DPYD: variants seen among roughly 807,000 people sequenced by gnomAD.
DPYD encodes dihydropyrimidine dehydrogenase.
A neutral mutation model predicts 116.2 loss-of-function variants in DPYD; 109 were observed. The observed-to-expected ratio is 0.94, with a 90% CI of 0.80 to 1.10. The LOEUF (loss-of-function observed/expected upper bound fraction) is 1.10. Ranked by LOEUF, DPYD falls within the 50% of genes least tolerant of loss-of-function variation. The probability of loss-of-function intolerance (pLI) is 0.00; values close to 1 mark genes in which losing one functional copy is unlikely to be tolerated. For synonymous variants in DPYD, 440 were observed against 432.0 expected (o/e 1.02, Z -0.23); for missense variants, 1,302 against 1,254.5 (o/e 1.04, Z -0.57).
intron 4 of DPYD, among the ~76,000 whole-genome samples, chr1:97,724,596 A>G (rs1244815017): frequency 6.6e-6 from 1 of 151,502 alleles, no homozygotes; most frequent in African/African-American, 2.4e-5. Context: ...TGTGTTTTTC[A>G]GGGTAGAGCT....
chr1:97,731,143 T>A (rs972295099), intron 4 of DPYD, among the ~76,000 whole-genome samples: 1 of 152,174 alleles, frequency 6.6e-6, no homozygotes, highest in Non-Finnish European at 1.5e-5. Flanking sequence ...AAATCTAGAC[T>A]GTAATATCAC....
At chr1:97,601,485 T>C (rs566911745) in intron 8 of DPYD, among the ~76,000 whole-genome samples, 17 of 152,156 alleles carry the variant, frequency 1.1e-4, no homozygotes, top group East Asian at 5.8e-4. Flanking sequence ...TATATGTTTA[T>C]ATATGTATTA....
At chr1:97,426,351 C>T (rs890159808) in intron 14 of DPYD, among the ~76,000 whole-genome samples, 46 of 152,054 alleles carry the variant, frequency 3.0e-4, no homozygotes, top group Admixed American at 1.7e-3. Context: ...GAGGATGATA[C>T]GTGGTAGCAA....
At chr1:97,567,161 C>T (rs1467080907) in intron 11 of DPYD, among the ~76,000 whole-genome samples, 2 of 152,090 alleles carry the variant, frequency 1.3e-5, no homozygotes, top group Non-Finnish European at 2.9e-5. Flanking sequence ...CAGAACAAGG[C>T]AAATTAACCC....
chr1:97,888,627 C>CA (rs35099417), intron 1 of DPYD, among the ~76,000 whole-genome samples: 40 of 141,144 alleles, frequency 2.8e-4, no homozygotes, highest in East Asian at 4.1e-4. Context: ...TTGAATGTAG[C>CA]AAAAAAAAAA....
chr1:97,742,134 G>C (rs1009328904), intron 3 of DPYD, among the ~76,000 whole-genome samples: 13 of 152,066 alleles, frequency 8.5e-5, no homozygotes, highest in Non-Finnish European at 4.4e-5. Context: ...ACATGTGTCA[G>C]AAAAACAGCA....
In DPYD at chr1:97,148,248, GTGT is replaced by G. The variant is rs751115749; in HGVS notation, c.2622+44818_2622+44820del. ...TGGTGTATGTGTAGGGTGTGTGTGTGTGTGTGGGGGGGGTGTGTGTGTTCTTTT... is the reference window on the plus strand; with the variant it reads ...TGGTGTATGTGTAGGGTGTGTGTGTGGTGGGGGGGGTGTGTGTGTTCTTTT... On this transcript the variant is annotated intron_variant, in intron 20 of 22. Transcript: ENST00000370192. Among the ~76,000 whole-genome samples the G allele has an allele frequency of 8.2e-4, 107 of 130,564 alleles. 1 individual carries two copies. The highest frequency in any genetic ancestry group is 1.2e-3 in the African/African-American group (37 of 30,520). The allele number at this position is 130,564 out of a possible 152,430, so 85.7% of individuals were successfully genotyped here.
In DPYD at chr1:97,385,243, G is replaced by T. The variant is rs1328519603; in HGVS notation, c.1906-2782C>A. On this transcript the variant is annotated intron_variant, in intron 14 of 22. Coordinates refer to ENST00000370192, the MANE Select transcript of DPYD (RefSeq NM_000110.4). ...TCAAAGAGGGCACCAGATCTTCCAG[G>T]ACTAGACCTAATACCTCTTGGTGTA... Among the ~76,000 whole-genome samples the T allele has an allele frequency of 4.2e-5, 5 of 119,432 alleles. No homozygotes were observed. In the Admixed American group the frequency reaches 5.7e-4, roughly 14 times the overall value. The allele number at this position is 119,432 out of a possible 152,430, so 78.4% of individuals were successfully genotyped here.
At chr1:97,830,707 C>CAAAAAAAAAAAAAAAAAAAAAAA (rs759967010) in intron 2 of DPYD, among the ~76,000 whole-genome samples, 1 of 105,760 alleles carries the variant, frequency 9.5e-6, no homozygotes, top group Non-Finnish European at 2.0e-5. Context: ...GACTCCATCT[C>CAAAAAAAAAAAAAAAAAAAAAAA]AAAAAAAAAA....
intron 18 of DPYD, among the ~76,000 whole-genome samples, chr1:97,287,083 G>A (rs1665742580): frequency 6.6e-6 from 1 of 152,104 alleles, no homozygotes; most frequent in Non-Finnish European, 1.5e-5. Context: ...TTTGATGATG[G>A]TGATGTACAG....
At chr1:97,315,494 T>A (rs1320134412) in intron 16 of DPYD, among the ~76,000 whole-genome samples, 1 of 151,982 alleles carries the variant, frequency 6.6e-6, no homozygotes, top group Non-Finnish European at 1.5e-5. Context: ...CAAGCATTTC[T>A]CTCCAATAAA....
chr1:97,592,518 C>G (rs946939185), intron 10 of DPYD, among the ~76,000 whole-genome samples: 1 of 152,266 alleles, frequency 6.6e-6, no homozygotes, highest in South Asian at 2.1e-4. Flanking sequence ...AGGCGCCCAC[C>G]ACCACGCCCG....
chr1:97,449,531 CT>C (rs1246591992), intron 14 of DPYD, among the ~76,000 whole-genome samples: 2 of 151,704 alleles, frequency 1.3e-5, no homozygotes, highest in Non-Finnish European at 2.9e-5. Flanking sequence ...ATATTCAAGC[CT>C]GATTTTACTG....
intron 12 of DPYD, chr1:97,546,065 C>A: frequency 7.1e-7 from 1 of 1,407,782 alleles, no homozygotes; most frequent in South Asian, 1.2e-5. Flanking sequence ...GCAACAACAT[C>A]ACAGTAGGAT....
chr1:97,340,935 T>G (rs2101226983), intron 16 of DPYD, among the ~76,000 whole-genome samples: 1 of 152,296 alleles, frequency 6.6e-6, no homozygotes, highest in African/African-American at 2.4e-5. Context: ...AATAGCTGTT[T>G]TATACATTGG....
intron 13 of DPYD, among the ~76,000 whole-genome samples, chr1:97,490,460 T>G (rs916194868): frequency 3.0e-5 from 4 of 133,112 alleles, no homozygotes; most frequent in African/African-American, 1.1e-4. Flanking sequence ...AACGTACTAA[T>G]TATATACTAT....
chr1:97,685,531 T>C (rs1437216233), intron 7 of DPYD, among the ~76,000 whole-genome samples: 1 of 152,068 alleles, frequency 6.6e-6, no homozygotes, highest in Admixed American at 6.5e-5. Flanking sequence ...AGTATTCAAA[T>C]AGGAAAAGAG....
chr1:97,630,910 T>C (rs960304473), intron 8 of DPYD, among the ~76,000 whole-genome samples: 1 of 152,076 alleles, frequency 6.6e-6, no homozygotes, highest in Non-Finnish European at 1.5e-5. Context: ...CAATAGGAAG[T>C]ATTATCAAAA....
Position 97,776,232 on chromosome 1 carries a change from G to A in DPYD, c.234-35753C>T, listed in dbSNP as rs1037417731. ...AATTCTACTCATGAATGCCTGCAAA[G>A]TGGAGTTTATTTAATGTTTTTAGAT... On this transcript the variant is annotated intron_variant, in intron 3 of 22. Transcript: ENST00000370192. Among the ~76,000 whole-genome samples, 10 of 152,088 alleles carry A rather than the reference G, an allele frequency of 6.6e-5. No homozygotes were observed. In the East Asian group the frequency reaches 1.5e-3, roughly 23 times the overall value.
Sources: allele counts gnomAD v4.1 joint callset (sites outside exome capture counted in the v4.1 genomes callset), GRCh38; gene constraint gnomAD v4.1.1; transcripts MANE v1.5; gene names NCBI Gene and HGNC (gene_info 2026-07-23, HGNC 2026-07-21).